Variants in PLPP1 observed in about 807,000 individuals in gnomAD.
The protein encoded by PLPP1 is lipid phosphate phosphohydrolase 1a.
Under a neutral mutation model 31.2 loss-of-function variants are expected in PLPP1, and 24 were observed. That is an observed-to-expected ratio of 0.77 (90% CI 0.56 to 1.08). The LOEUF is 1.08. PLPP1 is among the 50% of genes least tolerant of loss of function. The probability of loss-of-function intolerance (pLI) is 0.00; values close to 1 mark genes in which losing one functional copy is unlikely to be tolerated. For missense variants in PLPP1, 319 were observed against 342.7 expected (o/e 0.93, Z 0.55); for synonymous variants, 146 against 126.3 (o/e 1.16, Z -1.05).
chr5:55,488,463 T>A (rs1752819972), intron 1 of PLPP1, among the ~76,000 whole-genome samples: 1 of 151,950 alleles, frequency 6.6e-6, no homozygotes, highest in South Asian at 2.1e-4. Flanking sequence ...CTGGCCAACA[T>A]GGTAAAACCC....
intron 2 of PLPP1, 106 bp downstream of exon 2, chr5:55,475,193 G>C (rs1752508884): frequency 2.0e-6 from 2 of 1,021,330 alleles, no homozygotes; most frequent in Middle Eastern, 3.1e-4. Flanking sequence ...GGTTTAAAAA[G>C]CATACATTGT....
intron 1 of PLPP1, among the ~76,000 whole-genome samples, chr5:55,528,224 A>C (rs947473002): frequency 5.3e-5 from 8 of 152,188 alleles, no homozygotes; most frequent in Admixed American, 5.2e-4. Flanking sequence ...AAAGAAAAAA[A>C]AAAGCAGCAG....
chr5:55,520,517 T>C (rs1753641282), intron 1 of PLPP1, among the ~76,000 whole-genome samples: 1 of 152,218 alleles, frequency 6.6e-6, no homozygotes, highest in Admixed American at 6.5e-5. Flanking sequence ...TCACATACAT[T>C]GTCTCATGCA....
intron 1 of PLPP1, among the ~76,000 whole-genome samples, chr5:55,490,152 T>TG: frequency 7.0e-6 from 1 of 143,690 alleles, no homozygotes; most frequent in Non-Finnish European, 1.5e-5. Context: ...TTCTTTTTTT[T>TG]TTTTTTTTTT....
intron 3 of PLPP1, among the ~76,000 whole-genome samples, chr5:55,463,612 G>A (rs1017703983): frequency 2.0e-5 from 3 of 151,826 alleles, no homozygotes; most frequent in South Asian, 2.1e-4. Flanking sequence ...CTCTAGCTTC[G>A]GCGACAGAGT....
In PLPP1 at chr5:55,534,594, G is replaced by C; in HGVS notation, c.36C>G (p.Leu12=). 1.3e-6 allele frequency: 2 copies of C among 1,558,360 alleles called. No individual in the cohort carries two copies. The highest frequency in any genetic ancestry group is 1.7e-6 in the Non-Finnish European group (2 of 1,154,154). ...FDKTRLPYVA[L]DVLCVLLAGL... ...TACCCAGCAACACGCAGAGCACATC[G>C]AGGGCCACGTACGGCAGCCGCGTCT... is the stretch of plus-strand genomic sequence containing the variant. Residue 12 remains leucine, a synonymous_variant, in exon 1 of 6, where the codon CTC becomes CTG. Transcript: ENST00000307259.
chr5:55,472,281 G>A (rs1320968721), intron 2 of PLPP1, among the ~76,000 whole-genome samples: 1 of 152,060 alleles, frequency 6.6e-6, no homozygotes, highest in Non-Finnish European at 1.5e-5. Context: ...TAAATGTAAA[G>A]ATAACTTTCT....
At chr5:55,428,048 A>C (rs1561218706) in intron 4 of PLPP1, among the ~76,000 whole-genome samples, 2 of 152,088 alleles carry the variant, frequency 1.3e-5, no homozygotes, top group Non-Finnish European at 2.9e-5. Flanking sequence ...CAGCCTCCCA[A>C]AGTGCTGGGA....
chr5:55,437,765 T>C (rs1751526927), intron 4 of PLPP1, among the ~76,000 whole-genome samples: 1 of 152,198 alleles, frequency 6.6e-6, no homozygotes, highest in Non-Finnish European at 1.5e-5. Context: ...AGGCACTAAA[T>C]TTAGATCTTA....
intron 3 of PLPP1, among the ~76,000 whole-genome samples, chr5:55,442,917 A>C (rs1418239409): frequency 6.6e-6 from 1 of 151,994 alleles, no homozygotes; most frequent in East Asian, 1.9e-4. Flanking sequence ...GGCACAGTGA[A>C]AGTATGCCAC....
At position 55,490,937 on chromosome 5, in the gene PLPP1, T is replaced by G. The variant is rs367751067; in HGVS notation, c.59-15487A>C. The G allele has an allele frequency of 1.9e-6, 3 of 1,597,324 alleles. No individual in the cohort carries two copies. The African/African-American group carries it at 4.0e-5, about 21-fold the overall frequency. On this transcript the variant is annotated intron_variant, in intron 1 of 5. Coordinates refer to ENST00000307259, the MANE Select transcript of PLPP1 (RefSeq NM_003711.4). ...ACCTCCAGCACAACAAACCCATCAC[T>G]ACCTACTTATTAATTTACTTACAGA...
chr5:55,457,603 T>C (rs561041089), intron 3 of PLPP1, among the ~76,000 whole-genome samples: 2 of 152,158 alleles, frequency 1.3e-5, no homozygotes, highest in South Asian at 2.1e-4. Context: ...ATAATATATG[T>C]ATGAATAATT....
intron 3 of PLPP1, among the ~76,000 whole-genome samples, chr5:55,455,411 G>A (rs1362444841): frequency 6.6e-6 from 1 of 152,020 alleles, no homozygotes; most frequent in Non-Finnish European, 1.5e-5. Context: ...GGGAAACATG[G>A]TGAAACCCTG....
At chr5:55,491,811 TTGTGC>T (rs1561244719) in intron 1 of PLPP1, among the ~76,000 whole-genome samples, 1 of 140,222 alleles carries the variant, frequency 7.1e-6, no homozygotes. Flanking sequence ...TGAGTCAAGA[TTGTGC>T]CACTGCACTC....
chr5:55,435,905 T>C (rs1040361711), intron 4 of PLPP1, among the ~76,000 whole-genome samples: 4 of 151,322 alleles, frequency 2.6e-5, no homozygotes, highest in African/African-American at 9.7e-5. Context: ...TCCCAGCTAC[T>C]TGGGAGGCTG....
intron 3 of PLPP1, among the ~76,000 whole-genome samples, chr5:55,449,681 AG>A (rs1230724940): frequency 6.6e-6 from 1 of 151,952 alleles, no homozygotes; most frequent in Non-Finnish European, 1.5e-5. Context: ...ATAATTTAAA[AG>A]GAAGTCAAAT....
intron 1 of PLPP1, among the ~76,000 whole-genome samples, chr5:55,495,041 G>T (rs542427344): frequency 1.3e-5 from 2 of 150,388 alleles, no homozygotes; most frequent in South Asian, 4.2e-4. Flanking sequence ...TGAGGCAGTA[G>T]AATCGCTTGA....
At position 55,457,759 on chromosome 5, in the gene PLPP1, G is replaced by A. The variant is rs879541191; in HGVS notation, c.491+10110C>T. Among the ~76,000 whole-genome samples the A allele has an allele frequency of 2.6e-5, 4 of 152,062 alleles. No homozygotes were observed. In the East Asian group the frequency reaches 7.8e-4, roughly 29 times the overall value. On this transcript the variant is annotated intron_variant, in intron 3 of 5. Coordinates refer to ENST00000307259, the MANE Select transcript of PLPP1 (RefSeq NM_003711.4). ...CACAAATTAGCTGGACGTGGTGGCGGGCGCCTGTAGTCCCAGCTACTCAGG... is the reference window on the plus strand; with the variant it reads ...CACAAATTAGCTGGACGTGGTGGCGAGCGCCTGTAGTCCCAGCTACTCAGG...
chr5:55,426,524 C>CAGTA (rs1343910395), intron 4 of PLPP1, among the ~76,000 whole-genome samples: 1 of 151,974 alleles, frequency 6.6e-6, no homozygotes, highest in African/African-American at 2.4e-5. Flanking sequence ...ATGTCAGTTT[C>CAGTA]CCAAGTAGCT....
Sources: allele counts gnomAD v4.1 joint callset (sites outside exome capture counted in the v4.1 genomes callset), GRCh38; gene constraint gnomAD v4.1.1; transcripts MANE v1.5; gene names NCBI Gene and HGNC (gene_info 2026-07-23, HGNC 2026-07-21).